The following MYO9A variants were observed in gnomAD, a reference collection of about 807,000 sequenced individuals.
MYO9A encodes unconventional myosin-IXa.
Under a neutral mutation model 293.3 loss-of-function variants are expected in MYO9A, and 103 were observed. The observed-to-expected ratio is 0.35, with a 90% CI of 0.30 to 0.41. MYO9A has a LOEUF of 0.41. Ranked by LOEUF, MYO9A falls within the 10% of genes least tolerant of loss-of-function variation. The pLI, the probability that MYO9A is intolerant of heterozygous loss-of-function variation, is 1.00. For synonymous variants in MYO9A, 1,001 were observed against 1,035.7 expected (o/e 0.97, Z 0.64); for missense variants, 2,685 against 3,033.0 (o/e 0.89, Z 2.69).
intron 40 of MYO9A, among the ~76,000 whole-genome samples, chr15:71,829,561 T>C (rs1298866996): frequency 1.3e-5 from 2 of 151,228 alleles, no homozygotes; most frequent in Non-Finnish European, 2.9e-5. Context: ...CTATCTAGTA[T>C]CCTAGCACCC....
Position 71,839,760 on chromosome 15 carries a change from T to C in MYO9A, c.6837+9085A>G, listed in dbSNP as rs563543224. The stretch of plus-strand genomic sequence containing the variant: ...TTCTTCCCTACATGGATATTCATTT[T>C]CCCCACATCATTTAGTGAATCCCAG... On this transcript the variant is annotated intron_variant, in intron 39 of 41. Coordinates refer to ENST00000356056, the MANE Select transcript of MYO9A (RefSeq NM_006901.4). Among the ~76,000 whole-genome samples the C allele has an allele frequency of 3.9e-5, 6 of 152,248 alleles. No individual in the cohort carries two copies. The East Asian group carries it at 1.2e-3, about 29-fold the overall frequency.
At chr15:71,978,717 C>A (rs1159775129) in intron 11 of MYO9A, among the ~76,000 whole-genome samples, 1 of 151,788 alleles carries the variant, frequency 6.6e-6, no homozygotes, top group Non-Finnish European at 1.5e-5. Context: ...ACCCCATCAC[C>A]CTCCAGTAAT....
At position 72,083,146 on chromosome 15, in the gene MYO9A, G is replaced by A. The variant is rs183257559; in HGVS notation, c.-72+34534C>T. On this transcript the variant is annotated intron_variant, in intron 1 of 41. Coordinates refer to ENST00000356056, the MANE Select transcript of MYO9A (RefSeq NM_006901.4). ...TAGAATTTGGCTTTGAATCCATCTG[G>A]TCCTGGGCTTTTTTGCTCGATGGGC... Among the ~76,000 whole-genome samples the A allele has an allele frequency of 1.2e-3, 185 of 152,132 alleles. 1 individual carries two copies. The highest frequency in any genetic ancestry group is 4.0e-3 in the African/African-American group (166 of 41,476).
Position 71,822,821 on chromosome 15 carries a change from G to A in MYO9A, c.*3759C>T, listed in dbSNP as rs1014630843. 1 of 152,120 alleles carries A rather than the reference G, an allele frequency of 6.6e-6. No individual in the cohort carries two copies. The highest frequency in any genetic ancestry group is 1.5e-5 in the Non-Finnish European group (1 of 68,012). 9.4% of individuals were successfully genotyped at this position (152,120 alleles called of 1,614,324 possible). On this transcript the variant is annotated 3_prime_UTR_variant, in exon 42 of 42. Coordinates refer to ENST00000356056, the MANE Select transcript of MYO9A (RefSeq NM_006901.4). ...TTTTTGAAAATAGTTTCAACCAGGGGACCAACATGAGACCTAATAGATCCA... is the reference window on the plus strand; with the variant it reads ...TTTTTGAAAATAGTTTCAACCAGGGAACCAACATGAGACCTAATAGATCCA...
At chr15:72,000,752 G>A (rs1302688715) in intron 8 of MYO9A, among the ~76,000 whole-genome samples, 8 of 152,058 alleles carry the variant, frequency 5.3e-5, no homozygotes, top group East Asian at 1.9e-4. Flanking sequence ...CAATCCTCCC[G>A]CTTCAGCCTC....
chr15:72,016,393 C>G (rs1042888326), intron 6 of MYO9A, among the ~76,000 whole-genome samples: 5 of 152,152 alleles, frequency 3.3e-5, no homozygotes, highest in Admixed American at 6.6e-5. Context: ...AATAGGATAA[C>G]CCTTAAATGG....
chr15:71,861,680 A>T (rs904698814), intron 33 of MYO9A, among the ~76,000 whole-genome samples: 163 of 75,066 alleles, frequency 2.2e-3, no homozygotes, highest in Non-Finnish European at 2.9e-3. Flanking sequence ...CTGATGATAT[A>T]AAAAAAAAAA....
chr15:72,014,770 GAGAA>G (rs879305712), intron 6 of MYO9A, among the ~76,000 whole-genome samples: 88 of 146,864 alleles, frequency 6.0e-4, no homozygotes, highest in African/African-American at 1.8e-3. Context: ...AAGAAAGAAA[GAGAA>G]AGAAAGAAAA....
intron 18 of MYO9A, among the ~76,000 whole-genome samples, chr15:71,921,484 C>T (rs912651541): frequency 2.6e-5 from 4 of 152,146 alleles, no homozygotes; most frequent in African/African-American, 2.4e-5. Flanking sequence ...CTCCTTCTCC[C>T]GCACTCCATC....
intron 26 of MYO9A, 170 bp downstream of exon 26, chr15:71,893,509 C>T: frequency 3.2e-6 from 2 of 627,280 alleles, no homozygotes; most frequent in Non-Finnish European, 5.4e-6. Context: ...CCATTCCCTG[C>T]CTGGAGTACA....
chr15:71,861,048 T>G (rs1253940132), intron 33 of MYO9A, among the ~76,000 whole-genome samples: 1 of 149,424 alleles, frequency 6.7e-6, no homozygotes, highest in Non-Finnish European at 1.5e-5. Context: ...TTTTTAGCTT[T>G]AAGTTACAGA....
At chr15:72,024,333 G>T (rs1384807131) in intron 4 of MYO9A, among the ~76,000 whole-genome samples, 1 of 152,190 alleles carries the variant, frequency 6.6e-6, no homozygotes, top group Non-Finnish European at 1.5e-5. Flanking sequence ...GCCCAGGCTG[G>T]AGTGCAGTGG....
intron 19 of MYO9A, among the ~76,000 whole-genome samples, chr15:71,908,135 G>A (rs1163247979): frequency 6.6e-6 from 1 of 152,122 alleles, no homozygotes; most frequent in African/African-American, 2.4e-5. Context: ...GGTGTAAGGA[G>A]GGGATCCAGT....
chr15:71,895,465 T>C (rs911946903), intron 25 of MYO9A, among the ~76,000 whole-genome samples: 1 of 152,192 alleles, frequency 6.6e-6, no homozygotes, highest in Non-Finnish European at 1.5e-5. Flanking sequence ...CCAATGCCGA[T>C]CCTTAATGAT....
At chr15:71,842,923 G>C (rs2055223792) in intron 39 of MYO9A, among the ~76,000 whole-genome samples, 1 of 151,296 alleles carries the variant, frequency 6.6e-6, no homozygotes, top group Non-Finnish European at 1.5e-5. Flanking sequence ...GCATGTGTGT[G>C]TGTGTGTATG....
In MYO9A at chr15:72,093,731, A is replaced by T. The variant is rs2079991388; in HGVS notation, c.-72+23949T>A. Among the ~76,000 whole-genome samples, 3 of 89,696 alleles carry T rather than the reference A, an allele frequency of 3.3e-5. 1 individual carries two copies. Among genetic ancestry groups the T allele is most frequent in the South Asian group, 4.7e-4 (1 of 2,140 alleles). The allele number at this position is 89,696 out of a possible 152,430, so 58.8% of individuals were successfully genotyped here. A position where few individuals can be genotyped will look rare whatever the true frequency, so the allele number is the denominator to read the frequency against. On this transcript the variant is annotated intron_variant, in intron 1 of 41. Transcript: ENST00000356056. ...GTGAAACCCCGTCTCTACTAAAAAT[A>T]GAAAAATTAGCTGGGCATGACAGCA...
chr15:71,837,353 A>G (rs929142786), intron 39 of MYO9A, among the ~76,000 whole-genome samples: 1 of 152,128 alleles, frequency 6.6e-6, no homozygotes, highest in Non-Finnish European at 1.5e-5. Flanking sequence ...AAAACAAGCT[A>G]AAAACAGAAG....
intron 1 of MYO9A, among the ~76,000 whole-genome samples, chr15:72,103,477 CAGA>C (rs2080456454): frequency 6.9e-6 from 1 of 144,792 alleles, no homozygotes; most frequent in Non-Finnish European, 1.5e-5. Flanking sequence ...GCAGCAGAAG[CAGA>C]AGCAGCGCAG....
At chr15:72,114,555 G>C (rs1052186238) in intron 1 of MYO9A, 7 of 152,136 alleles carry the variant, frequency 4.6e-5, no homozygotes, top group African/African-American at 1.7e-4. Flanking sequence ...TAGGAAATCG[G>C]GGGGAAGAAA....
Sources: allele counts gnomAD v4.1 joint callset (sites outside exome capture counted in the v4.1 genomes callset), GRCh38; gene constraint gnomAD v4.1.1; transcripts MANE v1.5; gene names NCBI Gene and HGNC (gene_info 2026-07-23, HGNC 2026-07-21).